The following DLC1 variants were observed in gnomAD, a reference collection of about 807,000 sequenced individuals.
DLC1 encodes rho GTPase-activating protein 7.
A neutral mutation model predicts 140.3 loss-of-function variants in DLC1; 54 were observed. The observed-to-expected ratio is 0.38, with a 90% CI of 0.31 to 0.48. The LOEUF (loss-of-function observed/expected upper bound fraction) is 0.48, where lower values mean the gene tolerates loss of function less well. Among genes scored for constraint, DLC1 ranks in the 20% least tolerant of loss-of-function variants. DLC1 has a pLI of 0.96. For missense variants in DLC1, 2,536 were observed against 1,907.0 expected (o/e 1.33, Z -6.14); for synonymous variants, 986 against 728.1 (o/e 1.35, Z -5.70).
intron 1 of DLC1, chr8:13,566,802 G>A (rs1207400931): frequency 1.4e-5 from 10 of 712,038 alleles, no homozygotes; most frequent in African/African-American, 1.8e-5. Flanking sequence ...GCGGGACGCC[G>A]CATGGTGGCC....
At chr8:13,486,125 A>G (rs1489861350) in intron 2 of DLC1, among the ~76,000 whole-genome samples, 1 of 152,208 alleles carries the variant, frequency 6.6e-6, no homozygotes, top group Non-Finnish European at 1.5e-5. Context: ...CACATTTATG[A>G]TAAAAGTCTA....
intron 2 of DLC1, among the ~76,000 whole-genome samples, chr8:13,483,376 C>G (rs905232348): frequency 6.6e-6 from 1 of 152,170 alleles, no homozygotes; most frequent in Admixed American, 6.5e-5. Context: ...AATTCAATCA[C>G]TACAGTATGG....
intron 1 of DLC1, among the ~76,000 whole-genome samples, chr8:13,590,062 C>CA (rs371221601): frequency 8.2e-6 from 1 of 121,336 alleles, no homozygotes; most frequent in Non-Finnish European, 1.8e-5. Context: ...ACTCAACATG[C>CA]ATATATATAT....
At chr8:13,151,409 A>G (rs1823801129) in intron 5 of DLC1, among the ~76,000 whole-genome samples, 1 of 152,216 alleles carries the variant, frequency 6.6e-6, no homozygotes, top group Non-Finnish European at 1.5e-5. Flanking sequence ...CAGAATTTGA[A>G]CAACTTGCCT....
chr8:13,295,404 G>A (rs757982277), intron 5 of DLC1, among the ~76,000 whole-genome samples: 61 of 152,034 alleles, frequency 4.0e-4, no homozygotes, highest in Non-Finnish European at 3.1e-4. Context: ...CAGTAGTCAG[G>A]ACAAAATAGT....
intron 1 of DLC1, among the ~76,000 whole-genome samples, chr8:13,520,775 T>C (rs1490488893): frequency 6.6e-6 from 1 of 152,086 alleles, no homozygotes; most frequent in Non-Finnish European, 1.5e-5. Flanking sequence ...CAAGATTTTG[T>C]TTAGAGAGGT....
intron 1 of DLC1, among the ~76,000 whole-genome samples, chr8:13,554,619 C>T (rs1411038219): frequency 6.6e-6 from 1 of 152,132 alleles, no homozygotes; most frequent in Non-Finnish European, 1.5e-5. Flanking sequence ...ACACCTCATT[C>T]CCAAACCCTC....
At chr8:13,585,281 A>T (rs1805260450) in intron 1 of DLC1, among the ~76,000 whole-genome samples, 1 of 152,184 alleles carries the variant, frequency 6.6e-6, no homozygotes, top group Non-Finnish European at 1.5e-5. Flanking sequence ...ATGAAGAAAT[A>T]GGCCTAGCAT....
rs144268589 is a variant in DLC1, at chr8:13,209,022, C to T, written c.1349-93365G>A. Among the ~76,000 whole-genome samples, 60 of 152,130 alleles carry T rather than the reference C, an allele frequency of 3.9e-4. 1 individual carries two copies. The East Asian group carries it at 0.01, about 26-fold the overall frequency. On this transcript the variant is annotated intron_variant, in intron 5 of 17. Transcript: ENST00000276297. Reference sequence around the variant, plus strand: ...AATGTTAAAGAAGATGAAAATAAAACGAATGTTAAGAATAACTTGATGACT... The same window carrying T: ...AATGTTAAAGAAGATGAAAATAAAATGAATGTTAAGAATAACTTGATGACT...
At chr8:13,112,143 C>G (rs1017059471) in intron 6 of DLC1, among the ~76,000 whole-genome samples, 1 of 151,744 alleles carries the variant, frequency 6.6e-6, no homozygotes, top group Non-Finnish European at 1.5e-5. Flanking sequence ...AGAGTGAGAC[C>G]CTATCTGAAA....
rs183301645 is a variant in DLC1, at chr8:13,193,635, C to T, written c.1349-77978G>A. Among the ~76,000 whole-genome samples the T allele has an allele frequency of 3.5e-3, 538 of 152,278 alleles. 1 individual carries two copies. The highest frequency in any genetic ancestry group is 6.3e-3 in the Non-Finnish European group (427 of 68,020). On this transcript the variant is annotated intron_variant, in intron 5 of 17. Coordinates refer to ENST00000276297, the MANE Select transcript of DLC1 (RefSeq NM_182643.3). The stretch of plus-strand genomic sequence containing the variant: ...GTTTTTCTACTGCTTACACCAGCAA[C>T]GGAAGTTCATAGGAATATCTTCCAA...
chr8:13,460,673 G>C (rs560935029), intron 2 of DLC1, among the ~76,000 whole-genome samples: 8 of 152,212 alleles, frequency 5.3e-5, no homozygotes, highest in African/African-American at 1.9e-4. Flanking sequence ...AAAATAAAGG[G>C]ACGCAGATAG....
chr8:13,450,817 G>A (rs1290661956), intron 2 of DLC1, among the ~76,000 whole-genome samples: 1 of 151,722 alleles, frequency 6.6e-6, no homozygotes, highest in Non-Finnish European at 1.5e-5. Flanking sequence ...GAGGTGGGCG[G>A]ATCAGGAGGT....
intron 2 of DLC1, among the ~76,000 whole-genome samples, chr8:13,442,647 A>G (rs1798574337): frequency 6.6e-6 from 1 of 152,208 alleles, no homozygotes; most frequent in Non-Finnish European, 1.5e-5. Context: ...AATCAAAACC[A>G]CAATGAGATA....
chr8:13,319,253 T>C (rs932967438), intron 4 of DLC1, among the ~76,000 whole-genome samples: 41 of 152,214 alleles, frequency 2.7e-4, no homozygotes, highest in African/African-American at 9.9e-4. Context: ...CACCTGGTCT[T>C]AAACAGAAAT....
chr8:13,120,784 G>A (rs953505439), intron 5 of DLC1, among the ~76,000 whole-genome samples: 8 of 152,104 alleles, frequency 5.3e-5, no homozygotes, highest in Admixed American at 2.6e-4. Flanking sequence ...GATGAGTCCC[G>A]GACACCCTTT....
intron 5 of DLC1, among the ~76,000 whole-genome samples, chr8:13,297,638 C>G (rs1832018319): frequency 6.6e-6 from 1 of 152,086 alleles, no homozygotes; most frequent in African/African-American, 2.4e-5. Context: ...GTGGGAGAGA[C>G]AGCAATAAAA....
intron 5 of DLC1, among the ~76,000 whole-genome samples, chr8:13,202,928 C>A (rs970684331): frequency 1.3e-5 from 2 of 152,168 alleles, no homozygotes; most frequent in African/African-American, 4.8e-5. Context: ...CCCGCCTCAG[C>A]CTCCCAAAAT....
intron 4 of DLC1, among the ~76,000 whole-genome samples, chr8:13,385,422 C>T (rs897883695): frequency 1.3e-5 from 2 of 152,008 alleles, no homozygotes; most frequent in African/African-American, 2.4e-5. Flanking sequence ...ACTAGAGAAA[C>T]GCTAAAACCC....
Sources: gnomAD v4.1 joint callset for allele counts (sites outside exome capture counted in the v4.1 genomes callset) on GRCh38, gnomAD v4.1.1 for gene constraint, MANE v1.5 for transcripts, NCBI Gene and HGNC (gene_info 2026-07-23, HGNC 2026-07-21) for gene names.